Variants in OR2L13 observed in about 807,000 individuals in gnomAD.
OR2L13 encodes olfactory receptor 2L13.
A neutral mutation model predicts 15.3 loss-of-function variants in OR2L13; 14 were observed. That is an observed-to-expected ratio of 0.91 (90% confidence interval 0.60 to 1.43). The LOEUF is 1.43. Among genes scored for constraint, OR2L13 ranks in the 40% most tolerant of loss-of-function variants. OR2L13 has a pLI of 0.00. For synonymous variants in OR2L13, 152 were observed against 142.9 expected (o/e 1.06, Z -0.45); for missense variants, 367 against 387.9 (o/e 0.95, Z 0.45).
At chr1:248,009,890 G>C in the OR2L13 span, among the ~76,000 whole-genome samples, 2 of 151,946 alleles carry the variant, frequency 1.3e-5, no homozygotes, top group African/African-American at 2.4e-5. Context: ...GTAATGCATC[G>C]CATAAACAGA....
chr1:248,013,148 A>C, the OR2L13 span, among the ~76,000 whole-genome samples: 1 of 150,410 alleles, frequency 6.6e-6, no homozygotes, highest in East Asian at 2.0e-4. Flanking sequence ...ACTTCTACTT[A>C]CATGTTTTAA....
chr1:247,973,119 A>G, the OR2L13 span, among the ~76,000 whole-genome samples: 20 of 152,208 alleles, frequency 1.3e-4, no homozygotes, highest in Admixed American at 1.3e-3. Flanking sequence ...TATTGATGAA[A>G]TATGTCTCAA....
At chr1:247,949,112 G>C in the OR2L13 span, 1 of 1,613,816 alleles carries the variant, frequency 6.2e-7, no homozygotes, top group Non-Finnish European at 8.5e-7. Flanking sequence ...CTGATTTTCT[G>C]CATGGAAACA....
the OR2L13 span, among the ~76,000 whole-genome samples, chr1:248,033,756 A>G: frequency 6.6e-6 from 1 of 151,332 alleles, no homozygotes; most frequent in East Asian, 1.9e-4. Context: ...CTTTTCTTCT[A>G]TTGTTATACA....
chr1:247,957,585 G>A, the OR2L13 span, among the ~76,000 whole-genome samples: 1,007 of 151,484 alleles, frequency 6.6e-3, 17 homozygotes, highest in African/African-American at 0.023. Flanking sequence ...ACTTTTTTTG[G>A]TTGGTAAGAT....
chr1:247,945,879 C>T, the OR2L13 span, among the ~76,000 whole-genome samples: 1 of 152,138 alleles, frequency 6.6e-6, no homozygotes, highest in Non-Finnish European at 1.5e-5. Context: ...TATTTTGAGT[C>T]TATGTGCATT....
At chr1:247,990,697 A>C in the OR2L13 span, 1 of 1,538,794 alleles carries the variant, frequency 6.5e-7, no homozygotes, top group Non-Finnish European at 9.0e-7. Flanking sequence ...TGCACTGATG[A>C]TAACAGGATC....
the OR2L13 span, among the ~76,000 whole-genome samples, chr1:248,013,930 A>G: frequency 6.6e-6 from 1 of 152,124 alleles, no homozygotes; most frequent in Non-Finnish European, 1.5e-5. Context: ...TTTTGCCGCT[A>G]ATTCATAAAT....
the OR2L13 span, among the ~76,000 whole-genome samples, chr1:248,033,262 G>A: frequency 3.9e-5 from 6 of 152,046 alleles, no homozygotes; most frequent in Non-Finnish European, 8.8e-5. Flanking sequence ...TCTATATGGT[G>A]TAAAGTAAGC....
At chr1:248,022,352 G>A in the OR2L13 span, 1 of 1,614,116 alleles carries the variant, frequency 6.2e-7, no homozygotes, top group South Asian at 1.1e-5. Context: ...CCATCCGTAT[G>A]AGCAAAAGAA....
chr1:248,038,791 A>AT, the OR2L13 span: 2 of 1,613,866 alleles, frequency 1.2e-6, no homozygotes, highest in East Asian at 2.2e-5. Context: ...GCCATCAATC[A>AT]TTTTTTCTGT....
At chr1:248,050,958 A>G in the OR2L13 span, among the ~76,000 whole-genome samples, 1 of 152,300 alleles carries the variant, frequency 6.6e-6, no homozygotes, top group African/African-American at 2.4e-5. Flanking sequence ...TGGAAATCCA[A>G]ATTGGAATAG....
At chr1:248,031,551 C>T in the OR2L13 span, among the ~76,000 whole-genome samples, 1 of 152,088 alleles carries the variant, frequency 6.6e-6, no homozygotes, top group Non-Finnish European at 1.5e-5. Flanking sequence ...GAGATGGGGT[C>T]CAGTGACTTG....
the OR2L13 span, among the ~76,000 whole-genome samples, chr1:247,981,420 A>G: frequency 3.3e-5 from 5 of 152,206 alleles, no homozygotes; most frequent in African/African-American, 1.2e-4. Flanking sequence ...AATGCAGGTA[A>G]CCATATGATT....
the OR2L13 span, chr1:248,084,577 G>T: frequency 6.2e-7 from 1 of 1,608,744 alleles, no homozygotes; most frequent in Non-Finnish European, 8.5e-7. Context: ...AAAGTCTGGG[G>T]TAGTATTTCT....
the OR2L13 span, chr1:248,023,202 T>C: frequency 1.7e-5 from 3 of 175,394 alleles, no homozygotes; most frequent in African/African-American, 7.1e-5. Flanking sequence ...AGTTATATGT[T>C]AATTGTTTCC....
the OR2L13 span, among the ~76,000 whole-genome samples, chr1:248,064,634 G>A: frequency 6.6e-6 from 1 of 152,156 alleles, no homozygotes; most frequent in Non-Finnish European, 1.5e-5. Context: ...GTGATTCATG[G>A]AGGGAATCAG....
At chr1:248,095,827 G>A (rs1179943266), upstream of OR2L13, among the ~76,000 whole-genome samples, 8 of 150,168 alleles carry the variant, frequency 5.3e-5, no homozygotes, top group Non-Finnish European at 8.9e-5. Context: ...GGCTGGTCCC[G>A]AACTCCTGAC....
chr1:248,020,566 C>T, the OR2L13 span, among the ~76,000 whole-genome samples: 1 of 152,000 alleles, frequency 6.6e-6, no homozygotes, highest in African/African-American at 2.4e-5. Flanking sequence ...CTGGGGTCCA[C>T]AGTAACTGGA....
Sources: allele counts gnomAD v4.1 joint callset (sites outside exome capture counted in the v4.1 genomes callset), GRCh38; gene constraint gnomAD v4.1.1; transcripts MANE v1.5; gene names NCBI Gene and HGNC (gene_info 2026-07-23, HGNC 2026-07-21).